BRINP1: variants seen among roughly 807,000 people sequenced by gnomAD.
BRINP1 encodes BMP/retinoic acid-inducible neural-specific protein 1.
BRINP1 carries 17 observed loss-of-function variants against 72.9 expected under a neutral mutation model. The ratio of observed to expected loss-of-function variants is 0.23; its 90% CI spans 0.16 to 0.35. BRINP1 has a LOEUF of 0.35. BRINP1 is among the 10% of genes least tolerant of loss of function. The probability of loss-of-function intolerance (pLI) is 1.00; values close to 1 mark genes in which losing one functional copy is unlikely to be tolerated. For synonymous variants in BRINP1, 418 were observed against 378.5 expected (o/e 1.10, Z -1.21); for missense variants, 850 against 1,001.6 (o/e 0.85, Z 2.04).
At chr9:119,362,591 T>C (rs1257597403) in intron 1 of BRINP1, among the ~76,000 whole-genome samples, 2 of 152,204 alleles carry the variant, frequency 1.3e-5, no homozygotes, top group Non-Finnish European at 2.9e-5. Context: ...AGATATGCAA[T>C]AAATATTTGC....
At chr9:119,261,973 T>C (rs1830501430) in intron 2 of BRINP1, among the ~76,000 whole-genome samples, 1 of 152,134 alleles carries the variant, frequency 6.6e-6, no homozygotes, top group South Asian at 2.1e-4. Context: ...AATATCTCTT[T>C]TACAATATTG....
intron 7 of BRINP1, among the ~76,000 whole-genome samples, chr9:119,193,092 T>C (rs1829699535): frequency 6.6e-6 from 1 of 152,150 alleles, no homozygotes; most frequent in African/African-American, 2.4e-5. Context: ...ATGGTTATAA[T>C]GCTATATTTT....
chr9:119,282,891 C>T (rs113483063), intron 2 of BRINP1: 7 of 985,218 alleles, frequency 7.1e-6, no homozygotes, highest in African/African-American at 1.7e-5. Context: ...CCCTGTGTAC[C>T]GCAAACACAA....
chr9:119,297,842 T>TAATAAC lies in BRINP1; in HGVS notation c.218+15295_218+15296insGTTATT, dbSNP rs1564241852. Among the ~76,000 whole-genome samples, 153 of 152,098 alleles carry TAATAAC rather than the reference T, an allele frequency of 1.0e-3. 2 individuals carry two copies. The highest frequency in any genetic ancestry group is 3.6e-3 in the African/African-American group (148 of 41,544). On this transcript the variant is annotated intron_variant, in intron 2 of 7. Coordinates refer to ENST00000265922, the MANE Select transcript of BRINP1 (RefSeq NM_014618.3). ...ATAATTAATAATAATAATAAAATAATAACAAATGCAGGTTGAGCTGAAACA... is the reference window on the plus strand; with the variant it reads ...ATAATTAATAATAATAATAAAATAATAATAACAACAAATGCAGGTTGAGCTGAAACA...
At chr9:119,291,496 C>T (rs913820030) in intron 2 of BRINP1, among the ~76,000 whole-genome samples, 1 of 152,182 alleles carries the variant, frequency 6.6e-6, no homozygotes, top group Non-Finnish European at 1.5e-5. Flanking sequence ...CCTTTTCTTA[C>T]TTTGAAGACT....
chr9:119,322,925 G>T lies in BRINP1; in HGVS notation c.-50-9520C>A, dbSNP rs561927415. Among the ~76,000 whole-genome samples the T allele has an allele frequency of 1.6e-4, 24 of 152,272 alleles. No individual in the cohort carries two copies. The South Asian group carries it at 3.3e-3, about 21-fold the overall frequency. The stretch of plus-strand genomic sequence containing the variant: ...TTTTAAAATGTAACTATTTGTCTTA[G>T]TTTCAACTGAACCCCAAAACTACAG... On this transcript the variant is annotated intron_variant, in intron 1 of 7. Coordinates refer to ENST00000265922, the MANE Select transcript of BRINP1 (RefSeq NM_014618.3).
chr9:119,293,640 G>A (rs570517392), intron 2 of BRINP1, among the ~76,000 whole-genome samples: 9 of 152,208 alleles, frequency 5.9e-5, no homozygotes, highest in African/African-American at 1.7e-4. Context: ...CCTTTGCTAC[G>A]TCATCTGTAA....
At chr9:119,347,768 G>A (rs1024190464) in intron 1 of BRINP1, among the ~76,000 whole-genome samples, 24 of 151,746 alleles carry the variant, frequency 1.6e-4, no homozygotes, top group African/African-American at 5.6e-4. Context: ...ATGCTCTCCC[G>A]ACCCCATTAC....
At chr9:119,225,850 A>ATCATTTTT (rs1381895919) in intron 5 of BRINP1, among the ~76,000 whole-genome samples, 1 of 152,034 alleles carries the variant, frequency 6.6e-6, no homozygotes, top group African/African-American at 2.4e-5. Flanking sequence ...TAACACTTAA[A>ATCATTTTT]AATGATTAAA....
At chr9:119,340,467 C>T (rs1459976526) in intron 1 of BRINP1, among the ~76,000 whole-genome samples, 3 of 152,044 alleles carry the variant, frequency 2.0e-5, no homozygotes, top group Admixed American at 1.3e-4. Flanking sequence ...CCCCAGGATG[C>T]AGGGACAGAT....
chr9:119,169,460 GC>G (rs1829372537), intron 7 of BRINP1, among the ~76,000 whole-genome samples: 1 of 152,206 alleles, frequency 6.6e-6, no homozygotes, highest in Admixed American at 6.5e-5. Flanking sequence ...TTATATTACC[GC>G]ACCTGGCTCG....
At chr9:119,181,220 T>C (rs565129666) in intron 7 of BRINP1, among the ~76,000 whole-genome samples, 1 of 152,290 alleles carries the variant, frequency 6.6e-6, no homozygotes, top group East Asian at 1.9e-4. Context: ...GTAGTTAGAC[T>C]GTATAATAAC....
intron 2 of BRINP1, among the ~76,000 whole-genome samples, chr9:119,278,683 A>C (rs1316060267): frequency 6.6e-6 from 1 of 152,146 alleles, no homozygotes; most frequent in South Asian, 2.1e-4. Flanking sequence ...AGGTCAAGAG[A>C]TCGAGACCAT....
chr9:119,223,122 T>A (rs1395450031), intron 5 of BRINP1, among the ~76,000 whole-genome samples: 1 of 152,106 alleles, frequency 6.6e-6, no homozygotes, highest in Non-Finnish European at 1.5e-5. Flanking sequence ...ACTAACTGTT[T>A]GACCTTGAAG....
Position 119,251,697 on chromosome 9 carries a change from G to A in BRINP1, c.219-2547C>T, listed in dbSNP as rs529705751. Among the ~76,000 whole-genome samples the A allele has an allele frequency of 8.5e-4, 119 of 140,104 alleles. 2 individuals carry two copies. Among genetic ancestry groups the A allele is most frequent in the African/African-American group, 3.9e-3 (117 of 30,194 alleles). The allele number at this position is 140,104 out of a possible 152,430, so 91.9% of individuals were successfully genotyped here. On this transcript the variant is annotated intron_variant, in intron 2 of 7. Coordinates refer to ENST00000265922, the MANE Select transcript of BRINP1 (RefSeq NM_014618.3). Reference sequence around the variant, plus strand: ...TTGAGAAGGGCAGAATAAAATAGGGGGGAGCATGAAAAAGAGGGTGTGGGA... The same window carrying A: ...TTGAGAAGGGCAGAATAAAATAGGGAGGAGCATGAAAAAGAGGGTGTGGGA...
intron 7 of BRINP1, among the ~76,000 whole-genome samples, chr9:119,202,415 T>G (rs998277070): frequency 2.6e-5 from 4 of 152,140 alleles, no homozygotes; most frequent in African/African-American, 9.7e-5. Context: ...GTTCACAAAT[T>G]TATACACTAC....
chr9:119,293,460 C>T (rs528897273), intron 2 of BRINP1, among the ~76,000 whole-genome samples: 4 of 152,106 alleles, frequency 2.6e-5, no homozygotes, highest in Admixed American at 1.3e-4. Flanking sequence ...AAAGCACCAG[C>T]GATGTACCTA....
At chr9:119,234,563 TC>T (rs1830176329) in intron 5 of BRINP1, among the ~76,000 whole-genome samples, 1 of 152,208 alleles carries the variant, frequency 6.6e-6, no homozygotes, top group Non-Finnish European at 1.5e-5. Context: ...AATATTTTCT[TC>T]CACTCTATGG....
intron 2 of BRINP1, among the ~76,000 whole-genome samples, chr9:119,307,979 A>G (rs1460825625): frequency 6.6e-6 from 1 of 152,172 alleles, no homozygotes; most frequent in African/African-American, 2.4e-5. Context: ...ACTACGTACA[A>G]GCTGTGCAAA....
Sources: gnomAD v4.1 joint callset for allele counts (sites outside exome capture counted in the v4.1 genomes callset) on GRCh38, gnomAD v4.1.1 for gene constraint, MANE v1.5 for transcripts, NCBI Gene and HGNC (gene_info 2026-07-23, HGNC 2026-07-21) for gene names.